FKBP4: variants seen among roughly 807,000 people sequenced by gnomAD.
FKBP4 encodes peptidyl-prolyl cis-trans isomerase FKBP4.
Under a neutral mutation model 54.1 loss-of-function variants are expected in FKBP4, and 28 were observed. The ratio of observed to expected loss-of-function variants is 0.52; its 90% CI spans 0.38 to 0.71. The LOEUF is 0.71. FKBP4 is among the 30% of genes least tolerant of loss of function. The pLI is 0.00. For synonymous variants in FKBP4, 223 were observed against 216.1 expected (o/e 1.03, Z -0.28); for missense variants, 493 against 574.4 (o/e 0.86, Z 1.45).
At position 2,795,833 on chromosome 12, in the gene FKBP4, G is replaced by A. The variant is rs2097901477; in HGVS notation, c.105+589G>A. The A allele has an allele frequency of 2.4e-5, 12 of 492,254 alleles. No individual in the cohort carries two copies. The highest frequency in any genetic ancestry group is 3.2e-5 in the Non-Finnish European group (12 of 378,090). The allele number at this position is 492,254 out of a possible 1,614,324, so 30.5% of individuals were successfully genotyped here. ...CGGCGCCCTCCCGGGGTCCCCTGCCGACGCCGGGACCCAGCGAGGTCCCCA... is the reference window on the plus strand; with the variant it reads ...CGGCGCCCTCCCGGGGTCCCCTGCCAACGCCGGGACCCAGCGAGGTCCCCA... On this transcript the variant is annotated intron_variant, in intron 1 of 9. Coordinates refer to ENST00000001008, the MANE Select transcript of FKBP4 (RefSeq NM_002014.4). The surrounding 1 kb of genome is among the most constrained non-coding windows in gnomAD (Gnocchi z 4.3).
rs143820830 is a variant in FKBP4 at position 2,799,238 on chromosome 12, A to G, written c.665A>G (p.Lys222Arg). ...EKGEHSIVYLKPSYAFGSVGK... is the reference protein window; with the variant it reads ...EKGEHSIVYLRPSYAFGSVGK... The stretch of plus-strand genomic sequence containing the variant: ...GGAGAACATTCCATCGTGTACCTCA[A>G]GCCCAGGTGAGGGGTGGGCACTTCG... The change falls in exon 5 of 10, where the codon AAG (lysine) becomes AGG (arginine). Residue 222 changes from lysine to arginine, a missense_variant. Coordinates refer to ENST00000001008, the MANE Select transcript of FKBP4 (RefSeq NM_002014.4). 22 of 1,511,984 alleles carry G rather than the reference A, an allele frequency of 1.5e-5. No individual in the cohort carries two copies. Among genetic ancestry groups the G allele is most frequent in the Non-Finnish European group, 1.9e-5 (22 of 1,130,702 alleles). 93.7% of individuals were successfully genotyped at this position (1,511,984 alleles called of 1,614,324 possible).
At position 2,795,765 on chromosome 12, in the gene FKBP4, C is replaced by T. The variant is rs1261893300; in HGVS notation, c.105+521C>T. 1 of 169,426 alleles carries T rather than the reference C, an allele frequency of 5.9e-6. No individual in the cohort carries two copies. Among genetic ancestry groups the T allele is most frequent in the Non-Finnish European group, 1.2e-5 (1 of 83,730 alleles). 10.5% of individuals were successfully genotyped at this position (169,426 alleles called of 1,614,324 possible). A position where few individuals can be genotyped will look rare whatever the true frequency, so the allele number is the denominator to read the frequency against. ...GGGGAGCGACTCCCCACAGTGCTTT[C>T]CTGGCCCTTCGGCCTTTGTGCGACG... On this transcript the variant is annotated intron_variant, in intron 1 of 9. Coordinates refer to ENST00000001008, the MANE Select transcript of FKBP4 (RefSeq NM_002014.4). This position sits in a 1 kb window ranked among gnomAD's most constrained non-coding sequence, Gnocchi z 4.3.
chr12:2,801,099 C>T lies in FKBP4; in HGVS notation c.1033-18C>T. 6.2e-7 allele frequency: 1 copy of T among 1,612,904 alleles called. No homozygotes were observed. Among genetic ancestry groups the T allele is most frequent in the Non-Finnish European group, 8.5e-7 (1 of 1,179,134 alleles). On this transcript the variant is annotated intron_variant, in intron 8 of 9. Transcript: ENST00000001008. ...GCCCTGAGCTCCCACAATGTGGCTT[C>T]CTCTCTGCATTCTTTAGGCCCTAGA... is the stretch of plus-strand genomic sequence containing the variant.
At chr12:2,799,043 C>T (rs369225968) in intron 4 of FKBP4, 45 bp from the exon 5 acceptor site, 4 of 1,520,366 alleles carry the variant, frequency 2.6e-6, no homozygotes, top group African/African-American at 2.8e-5. Flanking sequence ...TCCTCAGTCA[C>T]CTGCCCTCTT....
Position 2,795,044 on chromosome 12 carries a change from G to C in FKBP4, c.-96G>C, listed in dbSNP as rs3742077. On this transcript the variant is annotated 5_prime_UTR_variant, in exon 1 of 10. Transcript: ENST00000001008. The surrounding 1 kb of genome is among the most constrained non-coding windows in gnomAD (Gnocchi z 4.3). ...GTCCGCAGTCAGTGCCGCCGCGCCC[G>C]GCCTCCCGCACGCCCCGCAGGTAGC... 1 of 677,418 alleles carries C rather than the reference G, an allele frequency of 1.5e-6. No homozygotes were observed. The highest frequency in any genetic ancestry group is 1.9e-5 in the African/African-American group (1 of 52,448). 42.0% of individuals were successfully genotyped at this position (677,418 alleles called of 1,614,324 possible). A position where few individuals can be genotyped will look rare whatever the true frequency, so the allele number is the denominator to read the frequency against.
chr12:2,799,378 A>C, intron 5 of FKBP4, 134 bp downstream of exon 5: 3 of 960,854 alleles, frequency 3.1e-6, no homozygotes, highest in South Asian at 2.4e-5. Flanking sequence ...TGATATCCTC[A>C]GTGTACTTAG....
chr12:2,802,217 A>C (rs1315835060), intron 9 of FKBP4, among the ~76,000 whole-genome samples: 2 of 152,076 alleles, frequency 1.3e-5, no homozygotes, highest in African/African-American at 2.4e-5. Context: ...GGCTCACTGC[A>C]AACTCCACCT....
rs990840482 is a variant in FKBP4 at position 2,795,866 on chromosome 12, C to T, written c.105+622C>T. 23 of 811,068 alleles carry T rather than the reference C, an allele frequency of 2.8e-5. No homozygotes were observed. The highest frequency in any genetic ancestry group is 3.3e-5 in the Non-Finnish European group (22 of 669,188). 50.2% of individuals were successfully genotyped at this position (811,068 alleles called of 1,614,324 possible). ...GACCCAGCGAGGTCCCCACTCGCCG[C>T]GCGGCGCCCCCTCCCTCGGCCCCGG... On this transcript the variant is annotated intron_variant, in intron 1 of 9. Transcript: ENST00000001008. The surrounding 1 kb of genome is among the most constrained non-coding windows in gnomAD (Gnocchi z 4.3).
In FKBP4 at chr12:2,803,522, T is replaced by C; in HGVS notation, c.*264T>C. 2 of 391,686 alleles carry C rather than the reference T, an allele frequency of 5.1e-6. No individual in the cohort carries two copies. The highest frequency in any genetic ancestry group is 4.8e-6 in the Non-Finnish European group (1 of 210,502). The allele number at this position is 391,686 out of a possible 1,614,324, so 24.3% of individuals were successfully genotyped here. On this transcript the variant is annotated 3_prime_UTR_variant, in exon 10 of 10. Transcript: ENST00000001008. ...CCATATATATTCATCAGAATGTTAA[T>C]TTATTTTGCTCCCTCTGTTAGGTCC...
Position 2,794,996 on chromosome 12 carries a change from A to G in FKBP4, c.-144A>G, listed in dbSNP as rs181703880. The G allele has an allele frequency of 1.7e-5, 6 of 358,718 alleles. No homozygotes were observed. The highest frequency in any genetic ancestry group is 2.9e-5 in the Non-Finnish European group (6 of 208,330). 22.2% of individuals were successfully genotyped at this position (358,718 alleles called of 1,614,324 possible). On this transcript the variant is annotated 5_prime_UTR_variant, in exon 1 of 10. Coordinates refer to ENST00000001008, the MANE Select transcript of FKBP4 (RefSeq NM_002014.4). Reference sequence around the variant, plus strand: ...CTACCCCAGCTCTCGCGCCGCGTGCAGAGGTGCTCAAGCCTCCTCGCGGTC... The same window carrying G: ...CTACCCCAGCTCTCGCGCCGCGTGCGGAGGTGCTCAAGCCTCCTCGCGGTC...
chr12:2,802,597 A>G (rs927165846), intron 9 of FKBP4, among the ~76,000 whole-genome samples: 1 of 152,232 alleles, frequency 6.6e-6, no homozygotes, highest in Non-Finnish European at 1.5e-5. Context: ...AATCCAATGT[A>G]TATTTTGCAC....
At chr12:2,796,725 G>A (rs2097902065) in intron 1 of FKBP4, 1 of 1,065,404 alleles carries the variant, frequency 9.4e-7, no homozygotes, top group African/African-American at 1.7e-5. Context: ...AAGGAAGAAG[G>A]AGGAAGTGTG....
At chr12:2,797,471 C>T (rs2097902500) in intron 2 of FKBP4, among the ~76,000 whole-genome samples, 189 bp downstream of exon 2, 1 of 151,324 alleles carries the variant, frequency 6.6e-6, no homozygotes, top group South Asian at 2.1e-4. Context: ...CCCTTCTCCT[C>T]ATCACCTCCC....
chr12:2,795,880 C>CGTAGCATTAAAAAA lies in FKBP4; in HGVS notation c.105+636_105+637insGTAGCATTAAAAAA. On this transcript the variant is annotated intron_variant, in intron 1 of 9. Transcript: ENST00000001008. The surrounding 1 kb of genome is among the most constrained non-coding windows in gnomAD (Gnocchi z 4.3). ...CCCACTCGCCGCGCGGCGCCCCCTC[C>CGTAGCATTAAAAAA]CTCGGCCCCGGGGAGGCCGGGCGCG... The CGTAGCATTAAAAAA allele has an allele frequency of 1.1e-6, 1 of 909,746 alleles. No individual in the cohort carries two copies. The highest frequency in any genetic ancestry group is 1.3e-6 in the Non-Finnish European group (1 of 759,736). 56.4% of individuals were successfully genotyped at this position (909,746 alleles called of 1,614,324 possible).
intron 9 of FKBP4, 168 bp downstream of exon 9, chr12:2,801,524 G>C: frequency 1.1e-6 from 1 of 946,312 alleles, no homozygotes; most frequent in South Asian, 1.6e-5. Flanking sequence ...AGTGTTCTGT[G>C]ATCAGTGCGG....
chr12:2,800,103 G>T lies in FKBP4; in HGVS notation c.827G>T (p.Arg276Leu). The change falls in exon 7 of 10, where the codon CGG becomes CTG. Residue 276 changes from arginine (R) to leucine (L), a missense_variant. Transcript: ENST00000001008. ...GAACAGAGCACCATAGTGAAAGAGC[G>T]GGGCACTGTGTACTTCAAGGTGAGC... Reference protein sequence around the residue: ...KLEQSTIVKERGTVYFKEGKY... With the variant: ...KLEQSTIVKELGTVYFKEGKY... 3 of 1,613,400 alleles carry T rather than the reference G, an allele frequency of 1.9e-6. No homozygotes were observed. Among genetic ancestry groups the T allele is most frequent in the Non-Finnish European group, 1.7e-6 (2 of 1,179,992 alleles).
At chr12:2,797,358 G>T in intron 2 of FKBP4, 76 bp downstream of exon 2, 1 of 1,555,580 alleles carries the variant, frequency 6.4e-7, no homozygotes, top group Non-Finnish European at 8.8e-7. Flanking sequence ...CATTTTCTCA[G>T]GACCAAGCTC....
intron 3 of FKBP4, 98 bp downstream of exon 3, chr12:2,797,969 G>A (rs1603481381): frequency 2.7e-6 from 4 of 1,459,202 alleles, no homozygotes; most frequent in Non-Finnish European, 3.7e-6. Context: ...TGGAGACAAT[G>A]TAGCCAAGGC....
At position 2,795,139 on chromosome 12, in the gene FKBP4, G is replaced by C. The variant is rs1258645454; in HGVS notation, c.-1G>C. On this transcript the variant is annotated 5_prime_UTR_variant, in exon 1 of 10. Coordinates refer to ENST00000001008, the MANE Select transcript of FKBP4 (RefSeq NM_002014.4). The surrounding 1 kb of genome is among the most constrained non-coding windows in gnomAD (Gnocchi z 4.3). ...CCGGATAAACGGCGCGCCGCGCGGA[G>C]ATGACAGCCGAGGAGATGAAGGCGA... 4 of 1,304,066 alleles carry C rather than the reference G, an allele frequency of 3.1e-6. No individual in the cohort carries two copies. In the South Asian group the frequency reaches 1.2e-4, roughly 40 times the overall value. 80.8% of individuals were successfully genotyped at this position (1,304,066 alleles called of 1,614,324 possible). A position where few individuals can be genotyped will look rare whatever the true frequency, so the allele number is the denominator to read the frequency against.
Sources: allele counts gnomAD v4.1 joint callset (sites outside exome capture counted in the v4.1 genomes callset), GRCh38; gene constraint gnomAD v4.1.1; non-coding constraint Gnocchi (gnomAD v3.1); transcripts MANE v1.5; gene names NCBI Gene and HGNC (gene_info 2026-07-23, HGNC 2026-07-21).